The following LRP6 variants were observed in gnomAD, a reference collection of about 807,000 sequenced individuals.
The protein encoded by LRP6 is low-density lipoprotein receptor-related protein 6.
In LRP6, 43 loss-of-function variants were observed where a neutral mutation model predicts 184.1. The ratio of observed to expected loss-of-function variants is 0.23; its 90% CI spans 0.18 to 0.30. The LOEUF is 0.30. Among genes scored for constraint, LRP6 ranks in the 10% least tolerant of loss-of-function variants. The pLI is 1.00. For missense variants in LRP6, 1,571 were observed against 2,005.3 expected, an observed-to-expected ratio of 0.78 and a Z score of 4.14; for synonymous variants, 719 against 684.9, an observed-to-expected ratio of 1.05 and a Z score of -0.78.
chr12:12,210,671 G>A (rs1344525186), intron 2 of LRP6, among the ~76,000 whole-genome samples: 1 of 152,134 alleles, frequency 6.6e-6, no homozygotes, highest in African/African-American at 2.4e-5. Context: ...AACTCTGAAA[G>A]GACCTATAAA....
At chr12:12,225,432 C>T (rs903155989) in intron 2 of LRP6, among the ~76,000 whole-genome samples, 2 of 152,136 alleles carry the variant, frequency 1.3e-5, no homozygotes, top group African/African-American at 4.8e-5. Context: ...CAGACAAAAA[C>T]CTCTCTACAG....
rs1267219101 is a variant in LRP6 at position 12,229,239 on chromosome 12, A to G, written c.449+15023T>C. ...CACAAAATTAGCCTGGCATGGTGGCACATGCCTGTAATCCCAGCTACTTGG... is the reference window on the plus strand; with the variant it reads ...CACAAAATTAGCCTGGCATGGTGGCGCATGCCTGTAATCCCAGCTACTTGG... On this transcript the variant is annotated intron_variant, in intron 2 of 22. Coordinates refer to ENST00000261349, the MANE Select transcript of LRP6 (RefSeq NM_002336.3). Among the ~76,000 whole-genome samples, 12 of 152,014 alleles carry G rather than the reference A, an allele frequency of 7.9e-5. No homozygotes were observed. In the East Asian group the frequency reaches 2.3e-3, roughly 29 times the overall value.
At chr12:12,231,927 A>G (rs1032110414) in intron 2 of LRP6, among the ~76,000 whole-genome samples, 1 of 151,388 alleles carries the variant, frequency 6.6e-6, no homozygotes, top group Admixed American at 6.6e-5. Flanking sequence ...AGATGGGAGG[A>G]TTGCTTGAGC....
chr12:12,262,475 T>C (rs1369236353), intron 1 of LRP6, among the ~76,000 whole-genome samples: 1 of 151,788 alleles, frequency 6.6e-6, no homozygotes, highest in Non-Finnish European at 1.5e-5. Flanking sequence ...GGAGAATCGC[T>C]TGAACCAAGG....
chr12:12,256,715 A>C (rs1252030767), intron 1 of LRP6, among the ~76,000 whole-genome samples: 1 of 152,000 alleles, frequency 6.6e-6, no homozygotes, highest in East Asian at 1.9e-4. Flanking sequence ...CTGAGGCATG[A>C]GAATCACTTG....
chr12:12,202,518 G>C (rs559284196), intron 3 of LRP6, among the ~76,000 whole-genome samples: 1 of 152,174 alleles, frequency 6.6e-6, no homozygotes, highest in South Asian at 2.1e-4. Flanking sequence ...ATTCCAGCCC[G>C]GATGACAAGG....
In LRP6 at chr12:12,139,794, G is replaced by A. The variant is rs114159647; in HGVS notation, c.3398-1260C>T. Among the ~76,000 whole-genome samples the A allele has an allele frequency of 6.5e-3, 987 of 152,166 alleles. 12 individuals are homozygous for A. Among genetic ancestry groups the A allele is most frequent in the African/African-American group, 0.023 (961 of 41,538 alleles). On this transcript the variant is annotated intron_variant, in intron 15 of 22. Coordinates refer to ENST00000261349, the MANE Select transcript of LRP6 (RefSeq NM_002336.3). ...ACCCATAAGGACAAAGAAGGCAGAA[G>A]AACAGAAGAGAGCAGGAAAGTGATA... is the stretch of plus-strand genomic sequence containing the variant.
At chr12:12,220,105 T>C (rs1215305202) in intron 2 of LRP6, among the ~76,000 whole-genome samples, 2 of 151,994 alleles carry the variant, frequency 1.3e-5, no homozygotes, top group African/African-American at 4.8e-5. Context: ...CAGGCCAACA[T>C]GGTAAAACCC....
Position 12,147,572 on chromosome 12 carries a change from GA to G in LRP6, c.3207-17del. Reference sequence around the variant, plus strand: ...ATACATATACCTAGAGGGAAAGGAGGAAAAAAATAAGTTACTGGAGTAAGAA... The same window carrying G: ...ATACATATACCTAGAGGGAAAGGAGGAAAAAATAAGTTACTGGAGTAAGAA... On this transcript the variant is annotated splice_polypyrimidine_tract_variant and intron_variant, in intron 14 of 22. Transcript: ENST00000261349. 3 of 1,598,954 alleles carry G rather than the reference GA, an allele frequency of 1.9e-6. No individual in the cohort carries two copies. Among genetic ancestry groups the G allele is most frequent in the Admixed American group, 1.7e-5 (1 of 59,228 alleles).
intron 7 of LRP6, among the ~76,000 whole-genome samples, chr12:12,177,693 C>A (rs1863230154): frequency 1.3e-5 from 2 of 152,020 alleles, no homozygotes; most frequent in African/African-American, 4.8e-5. Context: ...TGAATTAGGA[C>A]ATCAGAATCT....
Position 12,159,868 on chromosome 12 carries a change from C to T in LRP6, c.2376G>A (p.Arg792=), listed in dbSNP as rs947301012. 3 of 1,614,066 alleles carry T rather than the reference C, an allele frequency of 1.9e-6. No individual in the cohort carries two copies. The highest frequency in any genetic ancestry group is 2.5e-6 in the Non-Finnish European group (3 of 1,179,986). The change falls in exon 11 of 23, where the codon CGG becomes CGA. Residue 792 remains arginine, a synonymous_variant. Coordinates refer to ENST00000261349, the MANE Select transcript of LRP6 (RefSeq NM_002336.3). ...ERTTLVPNVG[R]ANGLTIDYAK... The stretch of plus-strand genomic sequence containing the variant: ...CATAATCAATAGTTAGGCCGTTTGC[C>T]CGCCCCACATTTGGAACTAAGGTAG...
At position 12,121,091 on chromosome 12, in the gene LRP6, T is replaced by TA; in HGVS notation, c.*34dup. On this transcript the variant is annotated 3_prime_UTR_variant, in exon 23 of 23. Transcript: ENST00000261349. Reference sequence around the variant, plus strand: ...TCAACCAAATTTATATTTACATTTTTACGTTGGAGGCAGTCAGAGGAGGAG... The same window carrying TA: ...TCAACCAAATTTATATTTACATTTTTAACGTTGGAGGCAGTCAGAGGAGGAG... 1 of 1,543,128 alleles carries TA rather than the reference T, an allele frequency of 6.5e-7. No homozygotes were observed. The highest frequency in any genetic ancestry group is 8.7e-7 in the Non-Finnish European group (1 of 1,144,972).
At chr12:12,196,204 T>A (rs1591935654) in intron 3 of LRP6, among the ~76,000 whole-genome samples, 1 of 94,192 alleles carries the variant, frequency 1.1e-5, no homozygotes, top group African/African-American at 4.4e-5. Flanking sequence ...AATTTTAGGA[T>A]TTTTTTTTTT....
Position 12,162,184 on chromosome 12 carries a change from G to A in LRP6, c.2279+9C>T. 2 of 1,610,792 alleles carry A rather than the reference G, an allele frequency of 1.2e-6. No homozygotes were observed. The highest frequency in any genetic ancestry group is 1.7e-6 in the Non-Finnish European group (2 of 1,176,912). The stretch of plus-strand genomic sequence containing the variant: ...CAGTTGCAAAGAATGCACATGTAAA[G>A]CTGTTTACCCTTCGGCAGGGTCCAA... On this transcript the variant is annotated intron_variant, in intron 10 of 22. Transcript: ENST00000261349.
At chr12:12,217,989 C>T (rs1223701394) in intron 2 of LRP6, among the ~76,000 whole-genome samples, 1 of 152,128 alleles carries the variant, frequency 6.6e-6, no homozygotes, top group Non-Finnish European at 1.5e-5. Context: ...AGATATAACA[C>T]TAAAACCACA....
chr12:12,153,342 A>C (rs1228502574), intron 12 of LRP6, among the ~76,000 whole-genome samples: 1 of 152,174 alleles, frequency 6.6e-6, no homozygotes, highest in Non-Finnish European at 1.5e-5. Context: ...ACTTAGAAGA[A>C]AGATCCCAGA....
At chr12:12,167,415 G>C (rs186520647) in intron 7 of LRP6, among the ~76,000 whole-genome samples, 1 of 152,102 alleles carries the variant, frequency 6.6e-6, no homozygotes. Context: ...AGGCCGAGAC[G>C]GGTGGGTCAC....
chr12:12,211,629 TTGC>T (rs1266520274), intron 2 of LRP6, among the ~76,000 whole-genome samples: 5 of 152,210 alleles, frequency 3.3e-5, no homozygotes, highest in Non-Finnish European at 1.5e-5. Context: ...ACCTAATTAC[TTGC>T]TTGTGACAGT....
chr12:12,140,585 C>T (rs144888689), intron 15 of LRP6, among the ~76,000 whole-genome samples: 10 of 150,304 alleles, frequency 6.7e-5, no homozygotes, highest in Admixed American at 4.7e-4. Flanking sequence ...AGGGAAAGCA[C>T]GAGCATAGAT....
Sources: gnomAD v4.1 joint callset for allele counts (sites outside exome capture counted in the v4.1 genomes callset) on GRCh38, gnomAD v4.1.1 for gene constraint, MANE v1.5 for transcripts, NCBI Gene and HGNC (gene_info 2026-07-23, HGNC 2026-07-21) for gene names.